Variants in SLC67A2 observed in about 807,000 individuals in gnomAD.
SLC67A2 encodes solute carrier family 67 member A2.
At chr2:102,722,984 T>A in the SLC67A2 span, among the ~76,000 whole-genome samples, 1 of 151,576 alleles carries the variant, frequency 6.6e-6, no homozygotes, top group African/African-American at 2.4e-5. Context: ...AAACACCAAG[T>A]TTAAAAATGG....
chr2:102,736,861 G>GGAGCC, the SLC67A2 span: 1 of 1,544,682 alleles, frequency 6.5e-7, no homozygotes, highest in Non-Finnish European at 8.7e-7. Flanking sequence ...ACCTACCCCG[G>GGAGCC]GAGCCCAGCC....
chr2:102,732,389 C>G, the SLC67A2 span: 1 of 1,612,050 alleles, frequency 6.2e-7, no homozygotes, highest in Non-Finnish European at 8.5e-7. Flanking sequence ...AAGGCACAAC[C>G]ATGCTGACAC....
At chr2:102,731,651 A>G in the SLC67A2 span, among the ~76,000 whole-genome samples, 1 of 152,216 alleles carries the variant, frequency 6.6e-6, no homozygotes, top group East Asian at 1.9e-4. Context: ...CGAGGGAAAT[A>G]CAAATCACGG....
chr2:102,723,744 T>TA, the SLC67A2 span: 1 of 1,614,164 alleles, frequency 6.2e-7, no homozygotes, highest in Non-Finnish European at 8.5e-7. Context: ...GGCTGTGAGA[T>TA]AAAACCCATC....
At chr2:102,734,168 T>C in the SLC67A2 span, among the ~76,000 whole-genome samples, 6 of 152,182 alleles carry the variant, frequency 3.9e-5, no homozygotes, top group Non-Finnish European at 1.5e-5. Context: ...TAAAAATTGA[T>C]GAATATGTAC....
chr2:102,734,321 T>C, the SLC67A2 span, among the ~76,000 whole-genome samples: 1 of 152,090 alleles, frequency 6.6e-6, no homozygotes, highest in African/African-American at 2.4e-5. Flanking sequence ...AGGAAAAAAG[T>C]GGTTGAAATA....
the SLC67A2 span, among the ~76,000 whole-genome samples, chr2:102,733,296 G>T: frequency 3.3e-5 from 5 of 152,050 alleles, no homozygotes; most frequent in Admixed American, 1.3e-4. Context: ...CATTATATTC[G>T]ACCTGAATTC....
the SLC67A2 span, chr2:102,732,393 C>G: frequency 2.5e-6 from 4 of 1,611,614 alleles, no homozygotes; most frequent in African/African-American, 4.0e-5. Context: ...CACAACCATG[C>G]TGACACCAAA....
chr2:102,724,532 C>T, the SLC67A2 span, among the ~76,000 whole-genome samples: 1 of 152,212 alleles, frequency 6.6e-6, no homozygotes, highest in East Asian at 1.9e-4. Flanking sequence ...AACTATACTC[C>T]TCATATCTCT....
the SLC67A2 span, chr2:102,732,441 TTAGTATTTTTCAAAC>T: frequency 6.5e-7 from 1 of 1,545,134 alleles, no homozygotes; most frequent in South Asian, 1.2e-5. Flanking sequence ...TGGACTCAAA[TTAGTATTTTTCAAAC>T]TAGTAAACCT....
At chr2:102,724,000 A>AG in the SLC67A2 span, 2 of 1,080,020 alleles carry the variant, frequency 1.9e-6, no homozygotes, top group Non-Finnish European at 1.4e-6. Flanking sequence ...TCCCTGATGG[A>AG]GTTCTGATCT....
At chr2:102,736,124 G>C in the SLC67A2 span, among the ~76,000 whole-genome samples, 1 of 152,170 alleles carries the variant, frequency 6.6e-6, no homozygotes, top group African/African-American at 2.4e-5. Context: ...AAGGCAGATG[G>C]GTAAAATTCA....
At chr2:102,717,682 G>C in the SLC67A2 span, 1 of 152,052 alleles carries the variant, frequency 6.6e-6, no homozygotes, top group African/African-American at 2.4e-5. Context: ...ACAATTTTAA[G>C]AGTCCAAATT....
At chr2:102,732,163 C>T in the SLC67A2 span, 7 of 743,602 alleles carry the variant, frequency 9.4e-6, no homozygotes, top group Non-Finnish European at 1.2e-5. Flanking sequence ...ATTGCATTTG[C>T]TATAGGGTAA....
At chr2:102,729,421 A>G in the SLC67A2 span, among the ~76,000 whole-genome samples, 1 of 152,224 alleles carries the variant, frequency 6.6e-6, no homozygotes, top group African/African-American at 2.4e-5. Flanking sequence ...ATTAACATAC[A>G]CTGTGACCTA....
the SLC67A2 span, among the ~76,000 whole-genome samples, chr2:102,734,422 T>C: frequency 1.3e-5 from 2 of 152,196 alleles, no homozygotes; most frequent in Non-Finnish European, 2.9e-5. Flanking sequence ...AACTTGGAAG[T>C]ACGGATAACT....
the SLC67A2 span, among the ~76,000 whole-genome samples, chr2:102,719,857 C>T: frequency 6.6e-6 from 1 of 152,178 alleles, no homozygotes; most frequent in African/African-American, 2.4e-5. Context: ...TGGGAAGCAC[C>T]TGCTTGGATC....
At chr2:102,722,437 A>G in the SLC67A2 span, among the ~76,000 whole-genome samples, 1 of 152,230 alleles carries the variant, frequency 6.6e-6, no homozygotes, top group African/African-American at 2.4e-5. Flanking sequence ...CATGATAGAA[A>G]CAACTGGGGG....
the SLC67A2 span, among the ~76,000 whole-genome samples, chr2:102,729,521 T>C: frequency 6.6e-6 from 1 of 152,340 alleles, no homozygotes; most frequent in South Asian, 2.1e-4. Context: ...ACTCAAACTT[T>C]TCTCTCACAA....
Sources: gnomAD v4.1 joint callset for allele counts (sites outside exome capture counted in the v4.1 genomes callset) on GRCh38, gnomAD v4.1.1 for gene constraint, MANE v1.5 for transcripts, NCBI Gene and HGNC (gene_info 2026-07-23, HGNC 2026-07-21) for gene names.